The following CFAP92 variants were observed in gnomAD, a reference collection of about 807,000 sequenced individuals.
CFAP92 encodes the protein cilia and flagella associated protein 92 (putative).
A neutral mutation model predicts 106.3 loss-of-function variants in CFAP92; 86 were observed. The observed-to-expected ratio is 0.81, with a 90% CI of 0.68 to 0.97. The LOEUF is 0.97. CFAP92 is among the 50% of genes least tolerant of loss of function. The probability of loss-of-function intolerance (pLI) is 0.00; values close to 1 mark genes in which losing one functional copy is unlikely to be tolerated. For synonymous variants in CFAP92, 477 were observed against 506.4 expected, an observed-to-expected ratio of 0.94 and a Z score of 0.78; for missense variants, 1,204 against 1,283.8, an observed-to-expected ratio of 0.94 and a Z score of 0.95.
intron 4 of CFAP92, among the ~76,000 whole-genome samples, chr3:128,985,162 T>C (rs1943774520): frequency 6.6e-6 from 1 of 152,190 alleles, no homozygotes; most frequent in Admixed American, 6.5e-5. Context: ...GTGCTGTCAT[T>C]GCAACGTTTC....
chr3:129,019,401 T>G, the CFAP92 span, among the ~76,000 whole-genome samples: 1 of 152,214 alleles, frequency 6.6e-6, no homozygotes, highest in Non-Finnish European at 1.5e-5. Context: ...GCCCAGTCAG[T>G]CCACTCATCA....
rs1193789118 is a variant in CFAP92, at chr3:128,916,220, C to T, written c.2803G>A (p.Ala935Thr). The T allele has an allele frequency of 1.6e-6, 2 of 1,231,950 alleles. No individual in the cohort carries two copies. Among genetic ancestry groups the T allele is most frequent in the East Asian group, 3.2e-5 (1 of 31,704 alleles). 76.3% of individuals were successfully genotyped at this position (1,231,950 alleles called of 1,614,324 possible). A position where few individuals can be genotyped will look rare whatever the true frequency, so the allele number is the denominator to read the frequency against. ...GGGGCTGAAATTTTAATCACCTTCG[C>T]CACGGACTTCGGAGGCTTCTTGCTG... is the stretch of plus-strand genomic sequence containing the variant. The part of the protein sequence containing the change: ...QVSKKPPKSV[A>T]KVIKISAPAN... Residue 935 changes from alanine to threonine, a missense_variant, in exon 13 of 16, where the codon GCG becomes ACG. Transcript: ENST00000645291.
intron 1 of CFAP92, among the ~76,000 whole-genome samples, chr3:128,999,359 G>A (rs1001925815): frequency 1.3e-5 from 2 of 152,018 alleles, no homozygotes; most frequent in Non-Finnish European, 2.9e-5. Flanking sequence ...AGTGGAGGCC[G>A]GCAACGGCTC....
chr3:128,953,014 G>A (rs528729210), intron 9 of CFAP92, among the ~76,000 whole-genome samples: 6 of 152,290 alleles, frequency 3.9e-5, no homozygotes, highest in African/African-American at 1.2e-4. Context: ...CCCAGGATGC[G>A]GAGGTTGCAG....
chr3:128,945,625 G>A lies in CFAP92; in HGVS notation c.1704C>T (p.Val568=), dbSNP rs574738664. ...GGCCAAGGAGGAGGTCAGCAAAACT[G>A]ACCTGGGCGATGCCATAAGGGTACC... is the stretch of plus-strand genomic sequence containing the variant. The part of the protein sequence containing the change: ...KMWYPYGIAQ[V]SFADLLLGHK... Residue 568 remains valine, a synonymous_variant, in exon 10 of 16, where the codon GTC becomes GTT. Transcript: ENST00000645291. The A allele has an allele frequency of 1.2e-5, 18 of 1,536,084 alleles. No individual in the cohort carries two copies. In the African/African-American group the frequency reaches 2.2e-4, roughly 19 times the overall value.
intron 9 of CFAP92, among the ~76,000 whole-genome samples, chr3:128,953,600 C>CCCTCTCCCTCCCCCTCTCCCTCT (rs1941047455): frequency 1.1e-5 from 1 of 93,616 alleles, no homozygotes; most frequent in Non-Finnish European, 2.0e-5. Context: ...CCTCTCCCTC[C>CCCTCTCCCTCCCCCTCTCCCTCT]CCCTCTCCCT....
chr3:128,974,488 C>G (rs1943015731), intron 7 of CFAP92, among the ~76,000 whole-genome samples: 1 of 152,174 alleles, frequency 6.6e-6, no homozygotes, highest in Admixed American at 6.5e-5. Flanking sequence ...ATGAACGGAT[C>G]CCATAACACA....
At position 128,945,574 on chromosome 3, in the gene CFAP92, G is replaced by A; in HGVS notation, c.1755C>T (p.Pro585=). 1.3e-6 allele frequency: 2 copies of A among 1,536,142 alleles called. No homozygotes were observed. The highest frequency in any genetic ancestry group is 1.7e-6 in the Non-Finnish European group (2 of 1,146,912). Residue 585 remains proline (P), a synonymous_variant, in exon 10 of 16, where the codon CCC becomes CCT. Coordinates refer to ENST00000645291, the MANE Select transcript of CFAP92 (RefSeq NM_001394090.1). ...TGGGCTGAACCTCACAGCTGTGGAT[G>A]GGGACGGCCAGATTCAAGTACTTGT... ...LGHKYLNLAV[P]IHSCEVQPTH...
chr3:128,932,796 G>C lies in CFAP92; in HGVS notation c.2655C>G (p.Thr885=). The C allele has an allele frequency of 6.5e-7, 1 of 1,536,200 alleles. No homozygotes were observed. Among genetic ancestry groups the C allele is most frequent in the Non-Finnish European group, 8.7e-7 (1 of 1,146,920 alleles). ...NLEDYHSRNS[T]LTLEIHAHQE... ...GGTGGGCGTGGATCTCTAAGGTGAG[G>C]GTGGAGTTCCGACTGTGGTAGTCCT... is the stretch of plus-strand genomic sequence containing the variant. The change falls in exon 12 of 16, where the codon ACC becomes ACG. Residue 885 remains threonine (T), a synonymous_variant. Transcript: ENST00000645291.
At chr3:128,956,207 T>TAAAAAAAAAAAAAAAA (rs1256391409) in intron 9 of CFAP92, among the ~76,000 whole-genome samples, 2 of 53,214 alleles carry the variant, frequency 3.8e-5, no homozygotes, top group African/African-American at 1.4e-4. Context: ...AAAAAAAAAA[T>TAAAAAAAAAAAAAAAA]AAAAAAATAA....
In CFAP92 at chr3:128,935,254, CG is replaced by C. The variant is rs1412128635; in HGVS notation, c.2323del (p.Arg775GlyfsTer42). The stretch of plus-strand genomic sequence containing the variant: ...GATGGCCTCCAGGTCCCCATAGAGC[CG>C]GCTGCGGAACAGCAGCTGTGAGTTG... ...LYNSQLLFRS[R>X]LYGDLEAILY... On this transcript the variant is annotated frameshift_variant, in exon 11 of 16. Coordinates refer to ENST00000645291, the MANE Select transcript of CFAP92 (RefSeq NM_001394090.1). LOFTEE classifies it high-confidence loss of function. 6 of 1,535,818 alleles carry C rather than the reference CG, an allele frequency of 3.9e-6. No individual in the cohort carries two copies. The highest frequency in any genetic ancestry group is 1.4e-5 in the African/African-American group (1 of 73,042).
chr3:128,947,199 TA>T (rs1267549731), intron 9 of CFAP92, among the ~76,000 whole-genome samples: 2 of 149,126 alleles, frequency 1.3e-5, no homozygotes, highest in Non-Finnish European at 3.0e-5. Context: ...AAAATGTAAA[TA>T]GGGGGTCCTG....
intron 7 of CFAP92, among the ~76,000 whole-genome samples, chr3:128,975,570 A>G (rs992237247): frequency 5.9e-5 from 9 of 152,004 alleles, no homozygotes; most frequent in Non-Finnish European, 7.4e-5. Flanking sequence ...ATGGACAGAT[A>G]GATGAATGGA....
intron 10 of CFAP92, among the ~76,000 whole-genome samples, chr3:128,936,149 T>C (rs1278210682): frequency 1.3e-5 from 2 of 152,168 alleles, no homozygotes; most frequent in Non-Finnish European, 2.9e-5. Flanking sequence ...AGGGTTTCTA[T>C]GCACAGCCTG....
rs572453640 is a variant in CFAP92, at chr3:128,963,860, C to T, written c.1353+1651G>A. Among the ~76,000 whole-genome samples, 413 of 151,302 alleles carry T rather than the reference C, an allele frequency of 2.7e-3. 9 individuals carry two copies. The South Asian group carries it at 0.042, about 15-fold the overall frequency. On this transcript the variant is annotated intron_variant, in intron 9 of 15. Transcript: ENST00000645291. ...CTCAGGGATTATTCAGGCCCCCTCC[C>T]TTCCCTACACATCAAGCTCGAGGAT...
intron 12 of CFAP92, among the ~76,000 whole-genome samples, chr3:128,918,632 T>C (rs1400237372): frequency 1.3e-5 from 2 of 152,202 alleles, no homozygotes; most frequent in Non-Finnish European, 2.9e-5. Context: ...ATTGAAATTC[T>C]AGAGACTATA....
At chr3:128,939,441 A>G (rs1939398996) in intron 10 of CFAP92, among the ~76,000 whole-genome samples, 1 of 152,156 alleles carries the variant, frequency 6.6e-6, no homozygotes. Context: ...CCCAGCCTAG[A>G]GTTATTTTTT....
intron 9 of CFAP92, among the ~76,000 whole-genome samples, chr3:128,957,194 A>G (rs1941508458): frequency 6.6e-6 from 1 of 152,232 alleles, no homozygotes; most frequent in Admixed American, 6.5e-5. Flanking sequence ...TTAGAAAGGA[A>G]GAAAGGATAA....
At chr3:128,917,606 G>A (rs1175568911) in intron 12 of CFAP92, among the ~76,000 whole-genome samples, 1 of 152,164 alleles carries the variant, frequency 6.6e-6, no homozygotes, top group Non-Finnish European at 1.5e-5. Flanking sequence ...GATGGGCTAA[G>A]AATTTAACAT....
Sources: allele counts gnomAD v4.1 joint callset (sites outside exome capture counted in the v4.1 genomes callset), GRCh38; gene constraint gnomAD v4.1.1; transcripts MANE v1.5; gene names NCBI Gene and HGNC (gene_info 2026-07-23, HGNC 2026-07-21).